The following KCNIP4 variants were observed in gnomAD, a reference collection of about 807,000 sequenced individuals.
KCNIP4 encodes potassium voltage-gated channel interacting protein 4, also known as Kv channel-interacting protein 4.
Under a neutral mutation model 34.0 loss-of-function variants are expected in KCNIP4, and 12 were observed. That is an observed-to-expected ratio of 0.35 (90% CI 0.23 to 0.57). The LOEUF is 0.57. KCNIP4 is among the 20% of genes least tolerant of loss of function. The probability of loss-of-function intolerance (pLI) is 0.83; values close to 1 mark genes in which losing one functional copy is unlikely to be tolerated. For missense variants in KCNIP4, 238 were observed against 311.7 expected, an observed-to-expected ratio of 0.76 and a Z score of 1.78; for synonymous variants, 124 against 102.2, an observed-to-expected ratio of 1.21 and a Z score of -1.29.
chr4:21,510,448 T>A lies in KCNIP4; in HGVS notation c.61+438123A>T, dbSNP rs193184465. 3.7e-3 allele frequency among the ~76,000 whole-genome samples: 556 copies of A among 152,260 alleles called. 4 individuals are homozygous for A. The highest frequency in any genetic ancestry group is 0.014 in the Middle Eastern group (4 of 294). On this transcript the variant is annotated intron_variant, in intron 1 of 8. Coordinates refer to ENST00000382152, the MANE Select transcript of KCNIP4 (RefSeq NM_025221.6). ...ACTTATTCTACTGATACTATTGACA[T>A]CGTATTACTCTTGAACAAAAAAAAT...
chr4:20,854,035 C>T (rs1383582949), intron 2 of KCNIP4, among the ~76,000 whole-genome samples: 3 of 152,110 alleles, frequency 2.0e-5, no homozygotes, highest in African/African-American at 7.2e-5. Context: ...CTTCTACATT[C>T]CTTGTGGGAA....
chr4:21,459,277 T>A (rs1729240441), intron 1 of KCNIP4, among the ~76,000 whole-genome samples: 1 of 152,058 alleles, frequency 6.6e-6, no homozygotes, highest in South Asian at 2.1e-4. Flanking sequence ...ACCTAACCAG[T>A]GGCAGCATTT....
At chr4:20,923,453 G>C (rs1212798900) in intron 1 of KCNIP4, among the ~76,000 whole-genome samples, 1 of 152,144 alleles carries the variant, frequency 6.6e-6, no homozygotes, top group Non-Finnish European at 1.5e-5. Context: ...GCATGGAACT[G>C]TATCTAGTTT....
At chr4:20,733,339 T>C (rs1181153485) in intron 6 of KCNIP4, among the ~76,000 whole-genome samples, 1 of 152,186 alleles carries the variant, frequency 6.6e-6, no homozygotes, top group African/African-American at 2.4e-5. Context: ...CTTTAAATTT[T>C]GTTATTAACT....
At chr4:21,113,177 C>T (rs183875936) in intron 1 of KCNIP4, among the ~76,000 whole-genome samples, 6 of 152,188 alleles carry the variant, frequency 3.9e-5, no homozygotes, top group South Asian at 2.1e-4. Flanking sequence ...CCCAAGGGTA[C>T]GAGAAGCTTT....
At chr4:21,830,218 T>A (rs1484555884) in intron 1 of KCNIP4, among the ~76,000 whole-genome samples, 1 of 152,134 alleles carries the variant, frequency 6.6e-6, no homozygotes, top group African/African-American at 2.4e-5. Flanking sequence ...AAATAGACTT[T>A]AAGTCGAAAA....
chr4:21,428,928 CT>C (rs1726171277), intron 1 of KCNIP4, among the ~76,000 whole-genome samples: 1 of 152,154 alleles, frequency 6.6e-6, no homozygotes, highest in African/African-American at 2.4e-5. Context: ...TTATCAATAT[CT>C]TATACCACAA....
intron 1 of KCNIP4, among the ~76,000 whole-genome samples, chr4:21,905,859 C>T (rs1727973577): frequency 6.6e-6 from 1 of 152,106 alleles, no homozygotes; most frequent in African/African-American, 2.4e-5. Context: ...TGTAAGTTGA[C>T]TGCATCAGAC....
rs181765595 is a variant in KCNIP4, at chr4:21,067,767, G to C, written c.62-185058C>G. On this transcript the variant is annotated intron_variant, in intron 1 of 8. Transcript: ENST00000382152. ...CCAGCTCCAGGAAGCTCAGCACAGA[G>C]AGAGACCCTGTTTGTTTGGAGGGAA... Among the ~76,000 whole-genome samples, 389 of 152,242 alleles carry C rather than the reference G, an allele frequency of 2.6e-3. 1 individual carries two copies. The highest frequency in any genetic ancestry group is 9.1e-3 in the African/African-American group (377 of 41,528).
At chr4:21,418,903 G>A (rs1725197156) in intron 1 of KCNIP4, among the ~76,000 whole-genome samples, 1 of 152,186 alleles carries the variant, frequency 6.6e-6, no homozygotes, top group South Asian at 2.1e-4. Context: ...TCTCTTCAGA[G>A]TGTGGTTGTA....
chr4:21,072,487 GT>G lies in KCNIP4; in HGVS notation c.62-189779del, dbSNP rs144591968. 2.0e-4 allele frequency among the ~76,000 whole-genome samples: 30 copies of G among 148,956 alleles called. No individual in the cohort carries two copies. The East Asian group carries it at 2.8e-3, about 14-fold the overall frequency. ...TATCCTTCACCCTCTTTTTGATGGG[GT>G]TTTTTTTTTCTTGTAAAAAAAATTT... On this transcript the variant is annotated intron_variant, in intron 1 of 8. Transcript: ENST00000382152.
At chr4:21,784,493 G>A (rs901826493) in intron 1 of KCNIP4, among the ~76,000 whole-genome samples, 1 of 151,922 alleles carries the variant, frequency 6.6e-6, no homozygotes, top group Admixed American at 6.5e-5. Context: ...TATTTTTATG[G>A]AAGTCTTTGA....
At chr4:21,781,608 T>C (rs6822925) in intron 1 of KCNIP4, among the ~76,000 whole-genome samples, 97,127 of 151,586 alleles carry the variant, frequency 0.64, 32,219 homozygotes, top group Non-Finnish European at 0.73. Flanking sequence ...ATTTATCGAA[T>C]AGAAAGGAAA....
intron 1 of KCNIP4, among the ~76,000 whole-genome samples, chr4:21,037,238 G>T (rs1177517782): frequency 1.3e-5 from 2 of 152,106 alleles, no homozygotes; most frequent in African/African-American, 4.8e-5. Context: ...TCGCCAAAAT[G>T]TACAGTGTGT....
chr4:21,900,281 AG>A (rs1353706694), intron 1 of KCNIP4, among the ~76,000 whole-genome samples: 1 of 152,202 alleles, frequency 6.6e-6, no homozygotes, highest in Non-Finnish European at 1.5e-5. Flanking sequence ...GAAAATTCGG[AG>A]GCACTTCAAT....
rs141651426 is a variant in KCNIP4, at chr4:21,928,127, T to TATACACAC, written c.61+20443_61+20444insGTGTGTAT. Among the ~76,000 whole-genome samples the TATACACAC allele has an allele frequency of 4.0e-3, 581 of 143,942 alleles. 2 individuals are homozygous for TATACACAC. The highest frequency in any genetic ancestry group is 0.01 in the African/African-American group (400 of 39,366). The allele number at this position is 143,942 out of a possible 152,430, so 94.4% of individuals were successfully genotyped here. ...ATTAGACTATATATATATATATATATACACACACACACACACACACCATAC... is the reference window on the plus strand; with the variant it reads ...ATTAGACTATATATATATATATATATATACACACACACACACACACACACACACCATAC... On this transcript the variant is annotated intron_variant, in intron 1 of 8. Coordinates refer to ENST00000382152, the MANE Select transcript of KCNIP4 (RefSeq NM_025221.6).
chr4:21,935,011 A>T (rs1307740798), intron 1 of KCNIP4, among the ~76,000 whole-genome samples: 1 of 152,060 alleles, frequency 6.6e-6, no homozygotes, highest in African/African-American at 2.4e-5. Context: ...GTCCTCTGTC[A>T]TCTGAATAAT....
chr4:20,784,159 AGTTTCT>A, intron 3 of KCNIP4, among the ~76,000 whole-genome samples: 1 of 152,218 alleles, frequency 6.6e-6, no homozygotes, highest in Non-Finnish European at 1.5e-5. Flanking sequence ...CTGAGAGTAG[AGTTTCT>A]AATTCCTATC....
chr4:21,827,245 C>T (rs563309650), intron 1 of KCNIP4, among the ~76,000 whole-genome samples: 36 of 152,010 alleles, frequency 2.4e-4, no homozygotes, highest in Non-Finnish European at 4.6e-4. Flanking sequence ...TTTTATTCAA[C>T]CATAAAATCT....
Sources: gnomAD v4.1 joint callset for allele counts (sites outside exome capture counted in the v4.1 genomes callset) on GRCh38, gnomAD v4.1.1 for gene constraint, MANE v1.5 for transcripts, NCBI Gene and HGNC (gene_info 2026-07-23, HGNC 2026-07-21) for gene names.